Variants in NELL1 observed in about 807,000 individuals in gnomAD.
NELL1 encodes the protein protein kinase C-binding protein NELL1.
In NELL1, 76 loss-of-function variants were observed where a neutral mutation model predicts 107.4. The observed-to-expected ratio is 0.71, with a 90% CI of 0.59 to 0.86. The LOEUF is 0.86. Among genes scored for constraint, NELL1 ranks in the 40% least tolerant of loss-of-function variants. The pLI, the probability that NELL1 is intolerant of heterozygous loss-of-function variation, is 0.00. For synonymous variants in NELL1, 353 were observed against 341.2 expected (o/e 1.03, Z -0.38); for missense variants, 1,024 against 1,005.5 (o/e 1.02, Z -0.25).
intron 12 of NELL1, among the ~76,000 whole-genome samples, chr11:21,074,674 T>A (rs1854092435): frequency 1.8e-5 from 1 of 54,434 alleles, no homozygotes; most frequent in Non-Finnish European, 3.4e-5. Flanking sequence ...AATTTACACA[T>A]GTGTTTTTTT....
intron 13 of NELL1, among the ~76,000 whole-genome samples, chr11:21,132,070 A>G (rs1377969820): frequency 1.3e-5 from 2 of 152,058 alleles, no homozygotes; most frequent in East Asian, 3.9e-4. Context: ...TCTGGCATTG[A>G]CTATGCTGTT....
chr11:21,402,303 G>A (rs991527603), intron 15 of NELL1, among the ~76,000 whole-genome samples: 6 of 151,680 alleles, frequency 4.0e-5, no homozygotes, highest in African/African-American at 1.2e-4. Context: ...TTCTCAACTT[G>A]GGAAAGAAAG....
At chr11:20,777,835 T>C (rs1236326902) in intron 2 of NELL1, among the ~76,000 whole-genome samples, 1 of 152,114 alleles carries the variant, frequency 6.6e-6, no homozygotes, top group Non-Finnish European at 1.5e-5. Context: ...TTTGTTTATA[T>C]GTTTCTGGCT....
intron 17 of NELL1, 65 bp downstream of exon 17, chr11:21,560,447 C>A: frequency 7.2e-7 from 1 of 1,380,126 alleles, no homozygotes; most frequent in Non-Finnish European, 9.7e-7. Flanking sequence ...ACTTTTCTAC[C>A]TCCCCAGCTC....
intron 14 of NELL1, 86 bp downstream of exon 14, chr11:21,229,540 C>A: frequency 6.4e-7 from 1 of 1,556,592 alleles, no homozygotes; most frequent in East Asian, 2.3e-5. Context: ...CTTGGTAACT[C>A]TTGGTGGAAC....
At chr11:21,152,346 T>C (rs1354366819) in intron 13 of NELL1, among the ~76,000 whole-genome samples, 3 of 152,218 alleles carry the variant, frequency 2.0e-5, no homozygotes, top group Non-Finnish European at 4.4e-5. Flanking sequence ...ACAGGTGATA[T>C]GTTTTTGCTT....
chr11:21,536,062 C>T (rs185876843), intron 16 of NELL1, among the ~76,000 whole-genome samples: 27 of 152,172 alleles, frequency 1.8e-4, no homozygotes, highest in African/African-American at 6.3e-4. Flanking sequence ...TTTTTTAGTG[C>T]ACAAAGGACC....
At chr11:21,068,032 CAAAAAAAAAAA>C (rs1195285619) in intron 12 of NELL1, among the ~76,000 whole-genome samples, 2 of 40,382 alleles carry the variant, frequency 5.0e-5, no homozygotes, top group Non-Finnish European at 8.2e-5. Flanking sequence ...GATGCCATCT[CAAAAAAAAAAA>C]AAAAAAAAAA....
intron 12 of NELL1, among the ~76,000 whole-genome samples, chr11:21,015,537 C>G (rs953314832): frequency 2.0e-5 from 3 of 152,074 alleles, no homozygotes; most frequent in African/African-American, 4.8e-5. Context: ...AGCTGTTATA[C>G]TGAGGTGACT....
chr11:20,909,636 C>A (rs1850081280), intron 5 of NELL1, among the ~76,000 whole-genome samples: 1 of 152,122 alleles, frequency 6.6e-6, no homozygotes, highest in Non-Finnish European at 1.5e-5. Flanking sequence ...TAGTGACTCT[C>A]TATTGCATGT....
intron 15 of NELL1, among the ~76,000 whole-genome samples, chr11:21,409,132 G>A (rs1474100173): frequency 4.6e-5 from 7 of 152,156 alleles, no homozygotes; most frequent in East Asian, 1.9e-4. Flanking sequence ...ACATGCACAC[G>A]TATGTTTATT....
intron 2 of NELL1, among the ~76,000 whole-genome samples, chr11:20,696,128 C>T (rs1264211673): frequency 1.3e-5 from 2 of 151,992 alleles, no homozygotes; most frequent in Non-Finnish European, 1.5e-5. Flanking sequence ...GTTGAAATGT[C>T]ACCTTTGTTG....
intron 2 of NELL1, among the ~76,000 whole-genome samples, chr11:20,755,412 C>A (rs533733771): frequency 8.6e-5 from 13 of 152,016 alleles, no homozygotes; most frequent in Non-Finnish European, 1.8e-4. Flanking sequence ...AACCAGAAAC[C>A]AAAACTGAAA....
intron 13 of NELL1, among the ~76,000 whole-genome samples, chr11:21,163,808 G>T (rs1187359911): frequency 2.6e-5 from 4 of 151,860 alleles, no homozygotes; most frequent in African/African-American, 9.7e-5. Flanking sequence ...GAAAGTTTCA[G>T]CTTCTCGACC....
chr11:21,549,611 A>G (rs917895824), intron 16 of NELL1, among the ~76,000 whole-genome samples: 3 of 151,818 alleles, frequency 2.0e-5, no homozygotes, highest in Admixed American at 2.0e-4. Flanking sequence ...CAGTGCAGTC[A>G]TTTTTCTTAT....
intron 12 of NELL1, among the ~76,000 whole-genome samples, chr11:20,973,497 A>G (rs536499045): frequency 2.0e-4 from 31 of 152,334 alleles, no homozygotes; most frequent in Admixed American, 5.9e-4. Flanking sequence ...TCCGCAGCCT[A>G]GCACCTGTAA....
At chr11:20,693,658 G>A (rs1245383271) in intron 2 of NELL1, among the ~76,000 whole-genome samples, 1 of 152,100 alleles carries the variant, frequency 6.6e-6, no homozygotes, top group Non-Finnish European at 1.5e-5. Context: ...GAGATCCGCT[G>A]TTAGTCTGAT....
intron 10 of NELL1, among the ~76,000 whole-genome samples, chr11:20,942,793 C>T (rs1230498943): frequency 1.3e-5 from 2 of 152,172 alleles, no homozygotes; most frequent in East Asian, 3.9e-4. Flanking sequence ...GGCAATTTTG[C>T]TCACTGTGGT....
chr11:21,383,648 C>T (rs919372875), intron 15 of NELL1, among the ~76,000 whole-genome samples: 5 of 148,434 alleles, frequency 3.4e-5, no homozygotes, highest in African/African-American at 1.2e-4. Context: ...GACTATTACA[C>T]ACCTACAGAT....
Sources: gnomAD v4.1 joint callset for allele counts (sites outside exome capture counted in the v4.1 genomes callset) on GRCh38, gnomAD v4.1.1 for gene constraint, MANE v1.5 for transcripts, NCBI Gene and HGNC (gene_info 2026-07-23, HGNC 2026-07-21) for gene names.